Variants in ZC3HAV1 observed in about 807,000 individuals in gnomAD.
ZC3HAV1 encodes zinc finger CCCH-type containing, antiviral 1, also known as zinc finger CCCH-type antiviral protein 1.
A neutral mutation model predicts 86.6 loss-of-function variants in ZC3HAV1; 41 were observed. The ratio of observed to expected loss-of-function variants is 0.47; its 90% confidence interval spans 0.37 to 0.61. The LOEUF (loss-of-function observed/expected upper bound fraction) is 0.61, where lower values mean the gene tolerates loss of function less well. ZC3HAV1 is among the 20% of genes least tolerant of loss of function. The pLI is 0.00. For synonymous variants in ZC3HAV1, 421 were observed against 432.1 expected, an observed-to-expected ratio of 0.97 and a Z score of 0.32; for missense variants, 964 against 1,141.1, an observed-to-expected ratio of 0.84 and a Z score of 2.24.
At chr7:139,097,424 A>ATTTTTTTTT (rs1278585081) in intron 1 of ZC3HAV1, among the ~76,000 whole-genome samples, 15 of 81,236 alleles carry the variant, frequency 1.8e-4, no homozygotes, top group African/African-American at 5.0e-4. Context: ...ATATATATAT[A>ATTTTTTTTT]TATATTTTTT....
At chr7:139,105,265 G>T (rs965188899) in intron 1 of ZC3HAV1, among the ~76,000 whole-genome samples, 1 of 151,946 alleles carries the variant, frequency 6.6e-6, no homozygotes, top group Non-Finnish European at 1.5e-5. Context: ...TACCAATCCT[G>T]CCAGCTTCTA....
At chr7:139,096,949 A>ATGACGAAAACT (rs71520044) in intron 1 of ZC3HAV1, among the ~76,000 whole-genome samples, 47,637 of 151,592 alleles carry the variant, frequency 0.31, 8,904 homozygotes, top group African/African-American at 0.52. Flanking sequence ...CCGGGGCAAC[A>ATGACGAAAACT]TGTCTCTATT....
chr7:139,082,881 T>G (rs75229985), intron 3 of ZC3HAV1, among the ~76,000 whole-genome samples: 9,420 of 152,124 alleles, frequency 0.062, 325 homozygotes, highest in African/African-American at 0.079. Context: ...ATTGGTTTTT[T>G]TTTAAAGAAA....
At chr7:139,051,109 G>A (rs1160530823) in intron 12 of ZC3HAV1, among the ~76,000 whole-genome samples, 2 of 149,352 alleles carry the variant, frequency 1.3e-5, no homozygotes, top group Admixed American at 1.3e-4. Flanking sequence ...CTCGGCTGGT[G>A]TGCAATGGCA....
intron 5 of ZC3HAV1, among the ~76,000 whole-genome samples, chr7:139,077,954 A>G (rs1435659330): frequency 6.6e-6 from 1 of 152,328 alleles, no homozygotes; most frequent in African/African-American, 2.4e-5. Context: ...AAAGACAAAC[A>G]GTGGCTGGGC....
intron 1 of ZC3HAV1, among the ~76,000 whole-genome samples, chr7:139,096,757 CAGGAAGTGTACCCCCA>C (rs1817599823): frequency 6.6e-6 from 1 of 152,170 alleles, no homozygotes; most frequent in African/African-American, 2.4e-5. Context: ...TGCAGTCTTC[CAGGAAGTGTACCCCCA>C]AGGAATTATA....
chr7:139,057,119 CAGG>C (rs71169074), intron 9 of ZC3HAV1, among the ~76,000 whole-genome samples: 94,233 of 151,486 alleles, frequency 0.62, 29,482 homozygotes, highest in East Asian at 0.7. Context: ...GAGGCCGAAG[CAGG>C]AGGATTGCTT....
chr7:139,078,671 A>C lies in ZC3HAV1; in HGVS notation c.1472-18T>G. On this transcript the variant is annotated intron_variant, in intron 4 of 12. Coordinates refer to ENST00000242351, the MANE Select transcript of ZC3HAV1 (RefSeq NM_020119.4). Reference sequence around the variant, plus strand: ...TAAAGAATCTATGAAACAAAAAAGGATGCATGTATGCTGATCTTAATGTTT... The same window carrying C: ...TAAAGAATCTATGAAACAAAAAAGGCTGCATGTATGCTGATCTTAATGTTT... 1 of 1,524,980 alleles carries C rather than the reference A, an allele frequency of 6.6e-7. No homozygotes were observed. Among genetic ancestry groups the C allele is most frequent in the Non-Finnish European group, 8.8e-7 (1 of 1,132,288 alleles). The allele number at this position is 1,524,980 out of a possible 1,614,324, so 94.5% of individuals were successfully genotyped here.
Position 139,053,558 on chromosome 7 carries a change from T to C in ZC3HAV1, c.2342A>G (p.Glu781Gly). 3 of 1,599,188 alleles carry C rather than the reference T, an allele frequency of 1.9e-6. No individual in the cohort carries two copies. The highest frequency in any genetic ancestry group is 2.7e-5 in the African/African-American group (2 of 74,258). ...TGTCGCATAAAATAGGAGTTTTCCT[T>C]CTTCCTTCATCTGCGATTTCTTCCT... ...FTWKKSQMKE[E>G]GKLLFYATSR... Residue 781 changes from glutamate to glycine, a missense_variant, in exon 12 of 13, where the codon GAA becomes GGA. By Grantham distance (98) the Glu-to-Gly change is moderately conservative. Coordinates refer to ENST00000242351, the MANE Select transcript of ZC3HAV1 (RefSeq NM_020119.4).
chr7:139,109,262 CCAGGGCCATGCGGCCCCCGTGGGCG>C lies in ZC3HAV1; in HGVS notation c.45_69del (p.Cys15TrpfsTer99), dbSNP rs2130748117. 1 of 1,612,194 alleles carries C rather than the reference CCAGGGCCATGCGGCCCCCGTGGGCG, an allele frequency of 6.2e-7. No individual in the cohort carries two copies. The highest frequency in any genetic ancestry group is 2.2e-5 in the East Asian group (1 of 44,862). ...AGCGCGATCTCCTGGAGCAGCGCGT[CCAGGGCCATGCGGCCCCCGTGGGCG>C]CACAGGATTTTGGTGATGAAGCAGC... On this transcript the variant is annotated frameshift_variant, in exon 1 of 13. Transcript: ENST00000242351. LOFTEE classifies it high-confidence loss of function.
intron 6 of ZC3HAV1, among the ~76,000 whole-genome samples, chr7:139,075,615 T>C (rs1243834034): frequency 6.6e-6 from 1 of 152,072 alleles, no homozygotes; most frequent in Non-Finnish European, 1.5e-5. Flanking sequence ...AGTTTTTGTA[T>C]TGTTGGTAGA....
chr7:139,069,519 C>T (rs1816705162), intron 7 of ZC3HAV1, among the ~76,000 whole-genome samples: 1 of 152,054 alleles, frequency 6.6e-6, no homozygotes, highest in Admixed American at 6.6e-5. Flanking sequence ...ATCTGCACTC[C>T]CTAACTGGTG....
chr7:139,102,729 AC>A (rs1817810506), intron 1 of ZC3HAV1, among the ~76,000 whole-genome samples: 1 of 25,014 alleles, frequency 4.0e-5, no homozygotes, highest in African/African-American at 5.2e-4. Context: ...CTGTCTCTAT[AC>A]ACACACACAC....
intron 2 of ZC3HAV1, among the ~76,000 whole-genome samples, chr7:139,085,744 G>A (rs769514173): frequency 6.6e-6 from 1 of 152,138 alleles, no homozygotes; most frequent in South Asian, 2.1e-4. Context: ...TGGGCATGGT[G>A]GCTCACACCT....
At chr7:139,065,078 A>C (rs1816558940) in intron 7 of ZC3HAV1, 79 bp from the exon 8 acceptor site, 1 of 1,579,972 alleles carries the variant, frequency 6.3e-7, no homozygotes, top group African/African-American at 1.4e-5. Flanking sequence ...TCGTTTTAGC[A>C]ATGAGATGTG....
At chr7:139,089,926 T>A (rs1349488812) in intron 1 of ZC3HAV1, among the ~76,000 whole-genome samples, 167 bp from the exon 2 acceptor site, 1 of 151,732 alleles carries the variant, frequency 6.6e-6, no homozygotes, top group Non-Finnish European at 1.5e-5. Flanking sequence ...TTTTTTTTAC[T>A]TTTTTTTTCT....
At chr7:139,102,874 T>G (rs1817814912) in intron 1 of ZC3HAV1, among the ~76,000 whole-genome samples, 1 of 151,042 alleles carries the variant, frequency 6.6e-6, no homozygotes, top group South Asian at 2.1e-4. Context: ...GAGCCATATT[T>G]GCACCACCAC....
chr7:139,089,757 T>G lies in ZC3HAV1; in HGVS notation c.311A>C (p.Asn104Thr). The G allele has an allele frequency of 6.2e-7, 1 of 1,606,716 alleles. No homozygotes were observed. The highest frequency in any genetic ancestry group is 8.5e-7 in the Non-Finnish European group (1 of 1,177,924). Residue 104 changes from asparagine (N) to threonine (T), a missense_variant and splice_region_variant, in exon 2 of 13, where the codon AAT (asparagine) becomes ACT (threonine). By Grantham distance (65) the Asn-to-Thr change is moderately conservative. Transcript: ENST00000242351. The stretch of plus-strand genomic sequence containing the variant: ...AACCTCATGAGAATATTTGCATAAA[T>G]TCCTGGAAGAAAACACGACAATGGT... ...GRCNYSQSER[N>T]LCKYSHEVLS...
At chr7:139,049,142 T>TCG (rs529568257) in intron 12 of ZC3HAV1, among the ~76,000 whole-genome samples, 22,453 of 104,136 alleles carry the variant, frequency 0.22, 1,676 homozygotes, top group Non-Finnish European at 0.28. Flanking sequence ...TTTTTTTTTT[T>TCG]TCGTTGTTGT....
Sources: gnomAD v4.1 joint callset for allele counts (sites outside exome capture counted in the v4.1 genomes callset) on GRCh38, gnomAD v4.1.1 for gene constraint, MANE v1.5 for transcripts, NCBI Gene and HGNC (gene_info 2026-07-23, HGNC 2026-07-21) for gene names.